RABGAP1L: variants seen among roughly 807,000 people sequenced by gnomAD.
RABGAP1L encodes rab GTPase-activating protein 1-like.
In RABGAP1L, 63 loss-of-function variants were observed where a neutral mutation model predicts 137.7. The observed-to-expected ratio is 0.46, with a 90% CI of 0.37 to 0.56. RABGAP1L has a LOEUF of 0.56. Ranked by LOEUF, RABGAP1L falls within the 20% of genes least tolerant of loss-of-function variation. The pLI is 0.00. For missense variants in RABGAP1L, 1,095 were observed against 1,244.0 expected (o/e 0.88, Z 1.80); for synonymous variants, 431 against 433.7 (o/e 0.99, Z 0.08).
In RABGAP1L at chr1:174,734,317, A is replaced by G. The variant is rs543371169; in HGVS notation, c.2170-17996A>G. Among the ~76,000 whole-genome samples the G allele has an allele frequency of 1.1e-4, 17 of 152,338 alleles. No individual in the cohort carries two copies. In the South Asian group the frequency reaches 1.4e-3, roughly 13 times the overall value. ...CTAGAAAGCTAGCTGACGACCAGGT[A>G]TGACCATAGGGAACTCGGGAGATGG... On this transcript the variant is annotated intron_variant, in intron 17 of 25. Transcript: ENST00000681986.
intron 13 of RABGAP1L, among the ~76,000 whole-genome samples, chr1:174,406,252 A>C (rs1451966907): frequency 6.6e-6 from 1 of 152,096 alleles, no homozygotes; most frequent in Non-Finnish European, 1.5e-5. Context: ...ACTCTCCAAC[A>C]CTGTGTATAA....
rs150316785 is a variant in RABGAP1L, at chr1:174,448,438, C to T, written c.1710+54293C>T. On this transcript the variant is annotated intron_variant, in intron 13 of 25. Coordinates refer to ENST00000681986, the MANE Select transcript of RABGAP1L (RefSeq NM_001366446.1). This position sits in a 1 kb window ranked among gnomAD's most constrained non-coding sequence, Gnocchi z 4.2. ...TTCTCCACTACTCCACAGGTGTCCA[C>T]GAGTCATTGACTTGCCAGGTTTTTG... is the stretch of plus-strand genomic sequence containing the variant. 56 of 1,613,118 alleles carry T rather than the reference C, an allele frequency of 3.5e-5. No individual in the cohort carries two copies. The highest frequency in any genetic ancestry group is 4.1e-5 in the Non-Finnish European group (48 of 1,179,206).
At position 174,242,822 on chromosome 1, in the gene RABGAP1L, C is replaced by A. The variant is rs779569994; in HGVS notation, c.717+1165C>A. 5.8e-4 allele frequency among the ~76,000 whole-genome samples: 88 copies of A among 152,090 alleles called. 1 individual carries two copies. The highest frequency in any genetic ancestry group is 2.4e-4 in the Non-Finnish European group (16 of 68,020). On this transcript the variant is annotated intron_variant, in intron 5 of 25. Transcript: ENST00000681986. The stretch of plus-strand genomic sequence containing the variant: ...TACATATCTATGTGTATACTGACTT[C>A]TTGTTCAAAATGGTCTGATAGACAG...
chr1:174,660,274 G>T (rs1436537617), intron 14 of RABGAP1L, among the ~76,000 whole-genome samples: 3 of 152,138 alleles, frequency 2.0e-5, no homozygotes, highest in Non-Finnish European at 4.4e-5. Flanking sequence ...AAGAGGGAAA[G>T]AAATTCCTAA....
Position 174,483,533 on chromosome 1 carries a change from A to G in RABGAP1L, c.1710+89388A>G, listed in dbSNP as rs563791178. Among the ~76,000 whole-genome samples, 7 of 152,278 alleles carry G rather than the reference A, an allele frequency of 4.6e-5. No homozygotes were observed. The South Asian group carries it at 8.3e-4, about 18-fold the overall frequency. ...TGTACCACATTTTATTTATTCATTC[A>G]TCTGTCGATGGACACTTAAGTTGCT... On this transcript the variant is annotated intron_variant, in intron 13 of 25. Transcript: ENST00000681986.
intron 13 of RABGAP1L, among the ~76,000 whole-genome samples, chr1:174,400,721 T>C (rs926327): frequency 0.35 from 53,429 of 151,582 alleles, 12,062 homozygotes; most frequent in African/African-American, 0.64. Context: ...AGGGAGGAGG[T>C]GGCAGCCATT....
chr1:174,964,234 T>C (rs1558288236), intron 20 of RABGAP1L, among the ~76,000 whole-genome samples: 1 of 152,172 alleles, frequency 6.6e-6, no homozygotes, highest in Non-Finnish European at 1.5e-5. Context: ...ACTGAGTCTT[T>C]TAGGAAAACA....
At chr1:174,612,312 A>T (rs559659611) in intron 13 of RABGAP1L, among the ~76,000 whole-genome samples, 3 of 152,340 alleles carry the variant, frequency 2.0e-5, no homozygotes, top group Middle Eastern at 3.4e-3. Flanking sequence ...TAATGAGATA[A>T]TCATGTGATT....
At chr1:174,522,653 C>T (rs1663523957) in intron 13 of RABGAP1L, among the ~76,000 whole-genome samples, 1 of 152,194 alleles carries the variant, frequency 6.6e-6, no homozygotes, top group East Asian at 1.9e-4. Context: ...AATTGGCTTA[C>T]AGTTCTGCAG....
intron 13 of RABGAP1L, among the ~76,000 whole-genome samples, chr1:174,489,677 G>C (rs1660031912): frequency 6.6e-6 from 1 of 152,092 alleles, no homozygotes; most frequent in South Asian, 2.1e-4. Flanking sequence ...TCCCATTACT[G>C]GGTATATACC....
rs1663999571 is a variant in RABGAP1L, at chr1:174,527,550, C to T, written c.1711-109825C>T. ...AATTTATTGAGACTTGTTTTGTGCC[C>T]TAACCTATGGCCCATCATGGATAAT... On this transcript the variant is annotated intron_variant, in intron 13 of 25. Coordinates refer to ENST00000681986, the MANE Select transcript of RABGAP1L (RefSeq NM_001366446.1). Among the ~76,000 whole-genome samples, 3 of 152,132 alleles carry T rather than the reference C, an allele frequency of 2.0e-5. No individual in the cohort carries two copies. The South Asian group carries it at 6.2e-4, about 32-fold the overall frequency.
chr1:174,814,466 A>G (rs887512168), intron 19 of RABGAP1L, among the ~76,000 whole-genome samples: 2 of 152,148 alleles, frequency 1.3e-5, no homozygotes, highest in Admixed American at 6.5e-5. Context: ...TGTGAGGTGA[A>G]ACTGAAAGAA....
chr1:174,172,176 TTGTGTGTGTGTGTGTG>T lies in RABGAP1L; in HGVS notation c.-34+12545_-34+12560del, dbSNP rs34345014. Among the ~76,000 whole-genome samples, 14 of 123,610 alleles carry T rather than the reference TTGTGTGTGTGTGTGTG, an allele frequency of 1.1e-4. No individual in the cohort carries two copies. In the South Asian group the frequency reaches 2.4e-3, roughly 21 times the overall value. 81.1% of individuals were successfully genotyped at this position (123,610 alleles called of 152,430 possible). A position where few individuals can be genotyped will look rare whatever the true frequency, so the allele number is the denominator to read the frequency against. On this transcript the variant is annotated intron_variant, in intron 1 of 25. Coordinates refer to ENST00000681986, the MANE Select transcript of RABGAP1L (RefSeq NM_001366446.1). ...TTTTTTAAGGCTGAATAATATTCCC[TTGTGTGTGTGTGTGTG>T]TGTGTGTGTGTGTGTGTGTGTGTGT...
At position 174,418,564 on chromosome 1, in the gene RABGAP1L, G is replaced by T. The variant is rs183619487; in HGVS notation, c.1710+24419G>T. ...AGTGGAGTGTCCTTGAAATATGAGGGAAACACATGTCTTACCTTAGTAATC... is the reference window on the plus strand; with the variant it reads ...AGTGGAGTGTCCTTGAAATATGAGGTAAACACATGTCTTACCTTAGTAATC... On this transcript the variant is annotated intron_variant, in intron 13 of 25. Coordinates refer to ENST00000681986, the MANE Select transcript of RABGAP1L (RefSeq NM_001366446.1). 2.0e-5 allele frequency among the ~76,000 whole-genome samples: 3 copies of T among 152,262 alleles called. No individual in the cohort carries two copies. The East Asian group carries it at 5.8e-4, about 29-fold the overall frequency.
intron 1 of RABGAP1L, among the ~76,000 whole-genome samples, chr1:174,211,778 A>G (rs1278675844): frequency 6.6e-6 from 1 of 152,162 alleles, no homozygotes; most frequent in Non-Finnish European, 1.5e-5. Context: ...AAATAAAAGG[A>G]TGGAAAAAGA....
At chr1:174,619,728 C>G (rs1672259032) in intron 13 of RABGAP1L, among the ~76,000 whole-genome samples, 1 of 152,174 alleles carries the variant, frequency 6.6e-6, no homozygotes. Context: ...GAAACTGCAT[C>G]AACTAACAAG....
At chr1:174,373,969 G>A (rs1421478397) in intron 12 of RABGAP1L, among the ~76,000 whole-genome samples, 2 of 152,118 alleles carry the variant, frequency 1.3e-5, no homozygotes, top group Non-Finnish European at 2.9e-5. Flanking sequence ...AATTGAATTA[G>A]GCTTTCCTGA....
intron 19 of RABGAP1L, among the ~76,000 whole-genome samples, chr1:174,883,122 C>T (rs1371326188): frequency 1.3e-5 from 2 of 152,134 alleles, no homozygotes; most frequent in Non-Finnish European, 2.9e-5. Flanking sequence ...CCACGCCTGG[C>T]CTCTACTGGG....
intron 7 of RABGAP1L, among the ~76,000 whole-genome samples, chr1:174,253,941 A>G (rs151246099): frequency 1.3e-5 from 2 of 152,326 alleles, no homozygotes; most frequent in Non-Finnish European, 2.9e-5. Context: ...GCTATTGGAA[A>G]TAAAATTCCA....
Sources: gnomAD v4.1 joint callset for allele counts (sites outside exome capture counted in the v4.1 genomes callset) on GRCh38, gnomAD v4.1.1 for gene constraint, Gnocchi (gnomAD v3.1) non-coding constraint, MANE v1.5 for transcripts, NCBI Gene and HGNC (gene_info 2026-07-23, HGNC 2026-07-21) for gene names.